Variants in FER observed in about 807,000 individuals in gnomAD.
FER encodes tyrosine-protein kinase Fer.
In FER, 63 loss-of-function variants were observed where a neutral mutation model predicts 111.0. The ratio of observed to expected loss-of-function variants is 0.57; its 90% CI spans 0.46 to 0.70. The LOEUF (loss-of-function observed/expected upper bound fraction) is 0.70, where lower values mean the gene tolerates loss of function less well. Among genes scored for constraint, FER ranks in the 30% least tolerant of loss-of-function variants. The pLI, the probability that FER is intolerant of heterozygous loss-of-function variation, is 0.00. For synonymous variants in FER, 327 were observed against 313.9 expected, an observed-to-expected ratio of 1.04 and a Z score of -0.44; for missense variants, 914 against 954.0, an observed-to-expected ratio of 0.96 and a Z score of 0.55.
chr5:108,891,361 C>T (rs1320587248), intron 9 of FER: 4 of 151,834 alleles, frequency 2.6e-5, no homozygotes, highest in African/African-American at 9.7e-5. Flanking sequence ...CCAGTCTGTA[C>T]CTTGTCTTTT....
intron 10 of FER, among the ~76,000 whole-genome samples, chr5:108,939,551 T>G (rs1452603653): frequency 1.3e-5 from 2 of 152,076 alleles, no homozygotes; most frequent in Non-Finnish European, 2.9e-5. Context: ...TCAGGCAGGA[T>G]GTACTGATGT....
At chr5:109,023,424 G>A (rs934916225) in intron 13 of FER, among the ~76,000 whole-genome samples, 4 of 152,088 alleles carry the variant, frequency 2.6e-5, no homozygotes, top group Non-Finnish European at 5.9e-5. Context: ...TAGGCACTTG[G>A]ATACGTCCAA....
At chr5:109,016,358 T>G (rs552433836) in intron 13 of FER, among the ~76,000 whole-genome samples, 1 of 152,038 alleles carries the variant, frequency 6.6e-6, no homozygotes, top group Admixed American at 6.6e-5. Flanking sequence ...AAGATTGTCT[T>G]TGTTGATTAA....
At chr5:108,802,755 C>T (rs1247228609) in intron 3 of FER, among the ~76,000 whole-genome samples, 1 of 151,962 alleles carries the variant, frequency 6.6e-6, no homozygotes. Flanking sequence ...TCACTCAGAG[C>T]GGTATCACCT....
At chr5:109,183,748 C>G (rs6865751) in intron 18 of FER, among the ~76,000 whole-genome samples, 103,960 of 151,844 alleles carry the variant, frequency 0.68, 35,729 homozygotes, top group Middle Eastern at 0.77. Flanking sequence ...CTGGGCAACA[C>G]AGCGAGACCC....
At chr5:108,782,264 G>T (rs1241254262) in intron 2 of FER, among the ~76,000 whole-genome samples, 3 of 151,498 alleles carry the variant, frequency 2.0e-5, no homozygotes, top group Non-Finnish European at 4.4e-5. Flanking sequence ...CTTGTTGGTA[G>T]GATGGCCTAG....
At chr5:109,053,806 T>C (rs1394777893) in intron 16 of FER, among the ~76,000 whole-genome samples, 2 of 149,666 alleles carry the variant, frequency 1.3e-5, no homozygotes, top group African/African-American at 4.9e-5. Flanking sequence ...TTCTCCTGCC[T>C]CAGCCTCCCG....
At chr5:108,849,831 T>C (rs904605087) in intron 5 of FER, among the ~76,000 whole-genome samples, 1 of 152,138 alleles carries the variant, frequency 6.6e-6, no homozygotes, top group Non-Finnish European at 1.5e-5. Context: ...ATGTAGAACA[T>C]TGCCTTGATT....
At chr5:109,026,690 T>C (rs527753407) in intron 13 of FER, among the ~76,000 whole-genome samples, 3 of 152,174 alleles carry the variant, frequency 2.0e-5, no homozygotes, top group Non-Finnish European at 4.4e-5. Flanking sequence ...TTGTTAATTA[T>C]TCTTTCTTTT....
intron 17 of FER, among the ~76,000 whole-genome samples, chr5:109,155,903 C>T (rs571954366): frequency 5.8e-4 from 88 of 152,054 alleles, no homozygotes; most frequent in African/African-American, 2.1e-3. Flanking sequence ...GAAAGTTTCT[C>T]ATGATATCTC....
chr5:108,802,756 G>A (rs1023428588), intron 3 of FER, among the ~76,000 whole-genome samples: 3 of 151,858 alleles, frequency 2.0e-5, no homozygotes, highest in East Asian at 1.9e-4. Context: ...CACTCAGAGC[G>A]GTATCACCTT....
At chr5:109,051,715 G>T (rs570190184) in intron 16 of FER, 3 of 1,565,674 alleles carry the variant, frequency 1.9e-6, no homozygotes, top group East Asian at 2.2e-5. Flanking sequence ...GCCAGTGGTC[G>T]CATGGTAAGG....
intron 14 of FER, among the ~76,000 whole-genome samples, chr5:109,039,570 C>G (rs1458286399): frequency 6.6e-6 from 1 of 151,984 alleles, no homozygotes; most frequent in Non-Finnish European, 1.5e-5. Flanking sequence ...CCAGATAAAC[C>G]TTATTATGTT....
At chr5:108,982,125 C>G (rs1762076088) in intron 13 of FER, among the ~76,000 whole-genome samples, 2 of 152,030 alleles carry the variant, frequency 1.3e-5, no homozygotes, top group Admixed American at 6.6e-5. Flanking sequence ...TGACTCCACC[C>G]CACACCTACA....
intron 10 of FER, among the ~76,000 whole-genome samples, chr5:108,904,220 TAAAC>T (rs1247351696): frequency 2.0e-5 from 3 of 152,228 alleles, no homozygotes; most frequent in African/African-American, 7.2e-5. Flanking sequence ...GGACAGTGAA[TAAAC>T]AAACAAATAA....
intron 6 of FER, among the ~76,000 whole-genome samples, chr5:108,868,733 T>C (rs1162083533): frequency 6.6e-6 from 1 of 151,954 alleles, no homozygotes; most frequent in African/African-American, 2.4e-5. Flanking sequence ...TCAGGTGGAG[T>C]TAAAATTCAA....
At position 108,899,802 on chromosome 5, in the gene FER, C is replaced by CA. The variant is rs759045022; in HGVS notation, c.1236+1971dup. 7.9e-3 allele frequency among the ~76,000 whole-genome samples: 711 copies of CA among 89,988 alleles called. 4 individuals carry two copies. Among genetic ancestry groups the CA allele is most frequent in the East Asian group, 0.017 (50 of 2,958 alleles). The allele number at this position is 89,988 out of a possible 152,430, so 59.0% of individuals were successfully genotyped here. On this transcript the variant is annotated intron_variant, in intron 10 of 19. Transcript: ENST00000281092. ...CTGGTGAAAGGGCAAGACTCCATCT[C>CA]AAAAAAAAAAAAAAAAATTCTGATC...
chr5:108,971,897 T>C (rs1398892703), intron 13 of FER, among the ~76,000 whole-genome samples: 1 of 152,140 alleles, frequency 6.6e-6, no homozygotes, highest in East Asian at 1.9e-4. Context: ...GTCAGGTTCG[T>C]AGAGAATGCA....
intron 13 of FER, among the ~76,000 whole-genome samples, chr5:108,972,514 G>C (rs1258857740): frequency 6.6e-6 from 1 of 152,092 alleles, no homozygotes; most frequent in African/African-American, 2.4e-5. Context: ...AGCTTACATT[G>C]ATCTTTGAAG....
Sources: gnomAD v4.1 joint callset for allele counts (sites outside exome capture counted in the v4.1 genomes callset) on GRCh38, gnomAD v4.1.1 for gene constraint, MANE v1.5 for transcripts, NCBI Gene and HGNC (gene_info 2026-07-23, HGNC 2026-07-21) for gene names.